Variants in SPAST observed in about 807,000 individuals in gnomAD.
SPAST encodes the protein spastin.
SPAST carries 30 observed loss-of-function variants against 76.6 expected under a neutral mutation model. The ratio of observed to expected loss-of-function variants is 0.39; its 90% CI spans 0.29 to 0.53. SPAST has a LOEUF of 0.53. SPAST is among the 20% of genes least tolerant of loss of function. The pLI, the probability that SPAST is intolerant of heterozygous loss-of-function variation, is 0.68. For missense variants in SPAST, 717 were observed against 770.5 expected (o/e 0.93, Z 0.82); for synonymous variants, 305 against 281.0 (o/e 1.09, Z -0.86).
intron 5 of SPAST, 132 bp downstream of exon 5, chr2:32,114,957 ATTTT>A: frequency 1.0e-5 from 5 of 492,140 alleles, no homozygotes; most frequent in Non-Finnish European, 1.8e-5. Flanking sequence ...ATAAAGTTAA[ATTTT>A]TTTTTTTTTT....
intron 4 of SPAST, among the ~76,000 whole-genome samples, chr2:32,107,974 A>G (rs1394264450): frequency 6.6e-6 from 1 of 152,136 alleles, no homozygotes; most frequent in Non-Finnish European, 1.5e-5. Flanking sequence ...TGTGTTATCT[A>G]TTATACATTG....
chr2:32,143,535 T>G (rs767633489), intron 14 of SPAST, 120 bp downstream of exon 14: 1 of 691,838 alleles, frequency 1.4e-6, no homozygotes, highest in Non-Finnish European at 2.6e-6. Context: ...TCAGAAGACT[T>G]TCTCTCATCC....
chr2:32,069,723 A>AT (rs914895005), intron 1 of SPAST, among the ~76,000 whole-genome samples: 20 of 151,268 alleles, frequency 1.3e-4, no homozygotes, highest in African/African-American at 3.6e-4. Context: ...CACCTGGCTA[A>AT]TTTTTTTTGT....
intron 9 of SPAST, among the ~76,000 whole-genome samples, chr2:32,133,674 A>G (rs1197110695): frequency 6.6e-6 from 1 of 151,982 alleles, no homozygotes; most frequent in Non-Finnish European, 1.5e-5. Context: ...AAAAACGAAC[A>G]TTCACATAGT....
At chr2:32,097,693 C>CTT (rs1677970919) in intron 3 of SPAST, among the ~76,000 whole-genome samples, 3 of 120,152 alleles carry the variant, frequency 2.5e-5, no homozygotes, top group Non-Finnish European at 3.5e-5. Context: ...TTTTTTTTTT[C>CTT]TTTTCTTTTT....
intron 12 of SPAST, among the ~76,000 whole-genome samples, chr2:32,139,729 T>C (rs1341994750): frequency 1.9e-4 from 29 of 151,290 alleles, no homozygotes; most frequent in Admixed American, 1.8e-3. Context: ...CTCGGGAGGC[T>C]GAGGCAGGAG....
intron 4 of SPAST, among the ~76,000 whole-genome samples, chr2:32,104,299 G>T (rs1678235158): frequency 6.6e-6 from 1 of 151,944 alleles, no homozygotes; most frequent in Non-Finnish European, 1.5e-5. Context: ...TTTTCCATTT[G>T]CTTGGTAGAT....
intron 1 of SPAST, among the ~76,000 whole-genome samples, chr2:32,075,526 A>T (rs1573047166): frequency 7.3e-6 from 1 of 136,166 alleles, no homozygotes. Context: ...CTCACTCCTC[A>T]TTTAGTGTCA....
intron 16 of SPAST, 67 bp downstream of exon 16, chr2:32,147,325 T>C (rs1434787618): frequency 5.5e-6 from 5 of 909,418 alleles, no homozygotes; most frequent in Non-Finnish European, 7.1e-6. Flanking sequence ...GACATACATA[T>C]ATGAATGTGT....
At chr2:32,109,324 G>T (rs984678158) in intron 4 of SPAST, among the ~76,000 whole-genome samples, 1 of 151,606 alleles carries the variant, frequency 6.6e-6, no homozygotes, top group African/African-American at 2.4e-5. Flanking sequence ...GGCCAGGCTG[G>T]TCTCGAACTC....
At chr2:32,136,414 A>C (rs958933345) in intron 9 of SPAST, 149 bp from the exon 10 acceptor site, 1 of 555,288 alleles carries the variant, frequency 1.8e-6, no homozygotes, top group African/African-American at 3.5e-5. Flanking sequence ...AGGGACGGTT[A>C]GTAGTACTCT....
chr2:32,065,262 G>GGC (rs1676463481), intron 1 of SPAST, among the ~76,000 whole-genome samples: 1 of 151,782 alleles, frequency 6.6e-6, no homozygotes, highest in African/African-American at 2.4e-5. Context: ...TCGTGATCGG[G>GGC]TCGCCTCGGC....
intron 1 of SPAST, chr2:32,077,786 C>A (rs550091588): frequency 6.6e-6 from 1 of 152,270 alleles, no homozygotes; most frequent in South Asian, 2.1e-4. Context: ...TATCTCTTAC[C>A]TCTATTTAAA....
chr2:32,153,831 C>T (rs1209680903), intron 16 of SPAST, among the ~76,000 whole-genome samples: 1 of 151,954 alleles, frequency 6.6e-6, no homozygotes, highest in East Asian at 1.9e-4. Context: ...AATCCCAGCA[C>T]TTTGGGAGGC....
chr2:32,087,577 A>T lies in SPAST; in HGVS notation c.501A>T (p.Gln167His). 6.4e-7 allele frequency: 1 copy of T among 1,561,002 alleles called. No individual in the cohort carries two copies. ...GAATAGCTGTTATAGTTACAGGACA[A>T]GGTAAGATTGTATTTGTTTATAGCC... is the stretch of plus-strand genomic sequence containing the variant. Reference protein sequence around the residue: ...EKGIAVIVTGQGEQCERARRL... With the variant: ...EKGIAVIVTGHGEQCERARRL... The change falls in exon 2 of 17, where the codon CAA becomes CAT. Residue 167 changes from glutamine (Q) to histidine (H), a missense_variant and splice_region_variant. Gln to His is a conservative substitution (Grantham distance 24). Coordinates refer to ENST00000315285, the MANE Select transcript of SPAST (RefSeq NM_014946.4).
At chr2:32,103,727 C>T (rs1042144550) in intron 4 of SPAST, among the ~76,000 whole-genome samples, 1 of 152,098 alleles carries the variant, frequency 6.6e-6, no homozygotes, top group East Asian at 1.9e-4. Context: ...CTTATATACC[C>T]AGTAGTCATT....
rs972268088 is a variant in SPAST, at chr2:32,115,694, C to A, written c.871-8C>A. 3 of 1,596,318 alleles carry A rather than the reference C, an allele frequency of 1.9e-6. No individual in the cohort carries two copies. The highest frequency in any genetic ancestry group is 3.3e-5 in the Admixed American group (2 of 59,772). On this transcript the variant is annotated splice_polypyrimidine_tract_variant and splice_region_variant and intron_variant, in intron 5 of 16. Coordinates refer to ENST00000315285, the MANE Select transcript of SPAST (RefSeq NM_014946.4). ...GTATTTTCATATTAAAATTTTGTAT[C>A]CTTTAAGGGTACTCCGAAAACAAAT...
At chr2:32,141,201 A>C (rs550791991) in intron 12 of SPAST, among the ~76,000 whole-genome samples, 32 of 152,268 alleles carry the variant, frequency 2.1e-4, no homozygotes, top group African/African-American at 7.7e-4. Flanking sequence ...TTCTACTAAA[A>C]AATATTGGTC....
intron 4 of SPAST, among the ~76,000 whole-genome samples, chr2:32,104,494 A>T (rs1573097174): frequency 6.6e-6 from 1 of 152,240 alleles, no homozygotes; most frequent in East Asian, 1.9e-4. Context: ...TCCTGTCATT[A>T]TGATGTTAGC....
Sources: gnomAD v4.1 joint callset for allele counts (sites outside exome capture counted in the v4.1 genomes callset) on GRCh38, gnomAD v4.1.1 for gene constraint, MANE v1.5 for transcripts, NCBI Gene and HGNC (gene_info 2026-07-23, HGNC 2026-07-21) for gene names.